The following SLC49A4 variants were observed in gnomAD, a reference collection of about 807,000 sequenced individuals.
The protein encoded by SLC49A4 is solute carrier family 49 member 4.
A neutral mutation model predicts 50.6 loss-of-function variants in SLC49A4; 36 were observed. That is an observed-to-expected ratio of 0.71 (90% CI 0.55 to 0.94). The LOEUF (loss-of-function observed/expected upper bound fraction) is 0.94, where lower values mean the gene tolerates loss of function less well. Among genes scored for constraint, SLC49A4 ranks in the 40% least tolerant of loss-of-function variants. SLC49A4 has a pLI of 0.00. For synonymous variants in SLC49A4, 248 were observed against 241.2 expected (o/e 1.03, Z -0.26); for missense variants, 503 against 605.7 (o/e 0.83, Z 1.78).
intron 4 of SLC49A4, among the ~76,000 whole-genome samples, chr3:122,838,751 A>G (rs1936728393): frequency 6.6e-6 from 1 of 152,132 alleles, no homozygotes; most frequent in African/African-American, 2.4e-5. Context: ...ACACAAAAAA[A>G]TGGAAACACA....
chr3:122,860,228 T>C (rs368329447), intron 7 of SLC49A4, 26 bp downstream of exon 7: 2 of 1,556,444 alleles, frequency 1.3e-6, no homozygotes, highest in South Asian at 2.5e-5. Flanking sequence ...TTTTGAACTT[T>C]TAATAAATAT....
chr3:122,852,993 C>G (rs1379180998), intron 5 of SLC49A4, among the ~76,000 whole-genome samples: 1 of 152,176 alleles, frequency 6.6e-6, no homozygotes, highest in Non-Finnish European at 1.5e-5. Context: ...GAATACTAAC[C>G]TAAATTACCT....
At chr3:122,854,321 G>A (rs952079348) in intron 5 of SLC49A4, among the ~76,000 whole-genome samples, 1 of 152,254 alleles carries the variant, frequency 6.6e-6, no homozygotes, top group Non-Finnish European at 1.5e-5. Flanking sequence ...TAAAGTTACT[G>A]TATCGCTTAG....
chr3:122,851,950 C>A (rs891807097), intron 5 of SLC49A4, among the ~76,000 whole-genome samples: 1 of 150,608 alleles, frequency 6.6e-6, no homozygotes, highest in Non-Finnish European at 1.5e-5. Flanking sequence ...CTATTAAATT[C>A]ATCTGTGAGT....
intron 5 of SLC49A4, among the ~76,000 whole-genome samples, chr3:122,846,443 G>A (rs889332412): frequency 1.3e-5 from 2 of 151,986 alleles, no homozygotes; most frequent in South Asian, 4.1e-4. Context: ...TCTGCTTTTG[G>A]TGAACATTTG....
intron 5 of SLC49A4, among the ~76,000 whole-genome samples, chr3:122,850,702 C>T (rs554169082): frequency 6.6e-6 from 1 of 152,024 alleles, no homozygotes; most frequent in South Asian, 2.1e-4. Flanking sequence ...GAGATGAAGT[C>T]TCTATGTTTC....
At chr3:122,802,957 G>A (rs1316999903) in intron 1 of SLC49A4, among the ~76,000 whole-genome samples, 2 of 152,108 alleles carry the variant, frequency 1.3e-5, no homozygotes, top group African/African-American at 4.8e-5. Context: ...GCATGTAATT[G>A]GAGTCTCATA....
intron 2 of SLC49A4, among the ~76,000 whole-genome samples, chr3:122,807,797 G>A (rs1181539408): frequency 6.6e-6 from 1 of 152,090 alleles, no homozygotes; most frequent in African/African-American, 2.4e-5. Context: ...AAAAGATGAG[G>A]TTAGAAGGTT....
At chr3:122,805,374 G>C (rs1936202324) in intron 1 of SLC49A4, among the ~76,000 whole-genome samples, 1 of 152,122 alleles carries the variant, frequency 6.6e-6, no homozygotes, top group Admixed American at 6.5e-5. Flanking sequence ...AGCATGTCTG[G>C]ATCTCAAGTT....
intron 7 of SLC49A4, among the ~76,000 whole-genome samples, chr3:122,866,978 C>G (rs2107582044): frequency 6.6e-6 from 1 of 152,162 alleles, no homozygotes; most frequent in South Asian, 2.1e-4. Flanking sequence ...CAGCAGGTGT[C>G]CATCATATTC....
At chr3:122,828,794 T>C (rs902447716) in intron 3 of SLC49A4, among the ~76,000 whole-genome samples, 2 of 152,188 alleles carry the variant, frequency 1.3e-5, no homozygotes, top group Admixed American at 6.5e-5. Context: ...AATGAGTAAA[T>C]AAAACTGAAC....
rs935328833 is a variant in SLC49A4, at chr3:122,879,730, G to A, written c.*352G>A. 10 of 167,196 alleles carry A rather than the reference G, an allele frequency of 6.0e-5. No individual in the cohort carries two copies. The Admixed American group carries it at 6.2e-4, about 10-fold the overall frequency. The allele number at this position is 167,196 out of a possible 1,614,324, so 10.4% of individuals were successfully genotyped here. A position where few individuals can be genotyped will look rare whatever the true frequency, so the allele number is the denominator to read the frequency against. ...GTAATTATGAAAAGAAATAAAGGGT[G>A]TCTATCATATGAAGATAACGCCTTC... On this transcript the variant is annotated 3_prime_UTR_variant, in exon 9 of 9. Coordinates refer to ENST00000261038, the MANE Select transcript of SLC49A4 (RefSeq NM_032839.3).
intron 4 of SLC49A4, among the ~76,000 whole-genome samples, chr3:122,835,097 C>G (rs546082450): frequency 1.2e-4 from 19 of 152,210 alleles, no homozygotes; most frequent in African/African-American, 4.6e-4. Flanking sequence ...GTCAGATTGG[C>G]CAGATGGATT....
At chr3:122,860,041 C>G (rs371804803) in intron 6 of SLC49A4, 34 bp from the exon 7 acceptor site, 9 of 1,550,040 alleles carry the variant, frequency 5.8e-6, no homozygotes, top group Non-Finnish European at 7.9e-6. Context: ...ATTTTTAAAT[C>G]CCACTAGAAT....
chr3:122,867,886 C>T (rs1285207970), intron 7 of SLC49A4, among the ~76,000 whole-genome samples: 1 of 151,818 alleles, frequency 6.6e-6, no homozygotes, highest in African/African-American at 2.4e-5. Context: ...GAGGCCAAGA[C>T]AGGCGGATCA....
In SLC49A4 at chr3:122,795,535, G is replaced by A. The variant is rs1936014845; in HGVS notation, c.343G>A (p.Gly115Ser). 6.3e-7 allele frequency: 1 copy of A among 1,590,052 alleles called. No homozygotes were observed. Among genetic ancestry groups the A allele is most frequent in the Non-Finnish European group, 8.5e-7 (1 of 1,174,914 alleles). ...FAFMWLLDKRGLRITVLLTSF... is the reference protein window; with the variant it reads ...FAFMWLLDKRSLRITVLLTSF... ...GTTCATGTGGCTCCTGGACAAGAGA[G>A]GTGAGGGGTCGCGGAGCGCCAGCCC... The change falls in exon 1 of 9, where the codon GGT (glycine) becomes AGT (serine). Residue 115 changes from glycine (G) to serine (S), a missense_variant and splice_region_variant. Coordinates refer to ENST00000261038, the MANE Select transcript of SLC49A4 (RefSeq NM_032839.3).
intron 7 of SLC49A4, among the ~76,000 whole-genome samples, chr3:122,866,989 C>T (rs1409493782): frequency 1.3e-5 from 2 of 152,130 alleles, no homozygotes; most frequent in African/African-American, 4.8e-5. Flanking sequence ...CATCATATTC[C>T]TTAGAGTATA....
chr3:122,853,952 T>C (rs1283388133), intron 5 of SLC49A4, among the ~76,000 whole-genome samples: 1 of 152,130 alleles, frequency 6.6e-6, no homozygotes, highest in Non-Finnish European at 1.5e-5. Context: ...AAGTATTGGG[T>C]AGAATTGTAT....
intron 7 of SLC49A4, 69 bp from the exon 8 acceptor site, chr3:122,872,346 C>G: frequency 7.6e-7 from 1 of 1,317,596 alleles, no homozygotes; most frequent in Non-Finnish European, 1.1e-6. Context: ...AAGAGAACAC[C>G]CCGAAGATCT....
Sources: allele counts gnomAD v4.1 joint callset (sites outside exome capture counted in the v4.1 genomes callset), GRCh38; gene constraint gnomAD v4.1.1; transcripts MANE v1.5; gene names NCBI Gene and HGNC (gene_info 2026-07-23, HGNC 2026-07-21).